The following ADGRL3 variants were observed in gnomAD, a reference collection of about 807,000 sequenced individuals.
ADGRL3 encodes adhesion G protein-coupled receptor L3.
In ADGRL3, 62 loss-of-function variants were observed where a neutral mutation model predicts 153.5. That is an observed-to-expected ratio of 0.40 (90% CI 0.33 to 0.50). The LOEUF is 0.50. Among genes scored for constraint, ADGRL3 ranks in the 20% least tolerant of loss-of-function variants. ADGRL3 has a pLI of 0.47. For synonymous variants in ADGRL3, 710 were observed against 672.5 expected (o/e 1.06, Z -0.86); for missense variants, 1,641 against 1,859.4 (o/e 0.88, Z 2.16).
chr4:61,534,135 T>C (rs1385465086), intron 4 of ADGRL3, among the ~76,000 whole-genome samples: 1 of 152,098 alleles, frequency 6.6e-6, no homozygotes, highest in Non-Finnish European at 1.5e-5. Flanking sequence ...GGTTGAGAGA[T>C]AGGGGCCCAG....
At chr4:61,562,449 T>G (rs1168540519) in intron 4 of ADGRL3, among the ~76,000 whole-genome samples, 1 of 152,222 alleles carries the variant, frequency 6.6e-6, no homozygotes, top group Non-Finnish European at 1.5e-5. Flanking sequence ...AAGAACTTCT[T>G]TCAAAATTGA....
intron 17 of ADGRL3, among the ~76,000 whole-genome samples, chr4:61,974,243 A>G (rs1010422971): frequency 2.0e-5 from 3 of 152,204 alleles, no homozygotes; most frequent in African/African-American, 4.8e-5. Context: ...CGCTGGGATT[A>G]TAGGAATGAG....
At position 61,802,247 on chromosome 4, in the gene ADGRL3, C is replaced by G. The variant is rs191191606; in HGVS notation, c.1400-11562C>G. ...AGACACATATGCACTTTTGCACACA[C>G]AATATCAGTGAAGTTGCTTTTGTTT... On this transcript the variant is annotated intron_variant, in intron 8 of 26. Transcript: ENST00000683033. Among the ~76,000 whole-genome samples the G allele has an allele frequency of 6.0e-4, 91 of 152,204 alleles. 2 individuals carry two copies. In the Middle Eastern group the frequency reaches 0.014, roughly 23 times the overall value.
At chr4:61,526,516 G>T (rs1030612220) in intron 4 of ADGRL3, among the ~76,000 whole-genome samples, 2 of 151,964 alleles carry the variant, frequency 1.3e-5, no homozygotes, top group African/African-American at 4.8e-5. Context: ...GATGGTTCAT[G>T]CCTATAATCT....
chr4:61,557,654 T>C (rs1302059242), intron 4 of ADGRL3, among the ~76,000 whole-genome samples: 1 of 152,142 alleles, frequency 6.6e-6, no homozygotes, highest in Non-Finnish European at 1.5e-5. Context: ...GCTAAAGTGC[T>C]TTAGGTCTCC....
At chr4:61,857,660 CTTCTTTCTTCCT>C (rs1300587066) in intron 9 of ADGRL3, among the ~76,000 whole-genome samples, 11 of 138,534 alleles carry the variant, frequency 7.9e-5, no homozygotes, top group Non-Finnish European at 1.2e-4. Context: ...TCCTTCCTTC[CTTCTTTCTTCCT>C]TTCTTTCTTC....
At chr4:61,821,253 G>A (rs1230921775) in intron 9 of ADGRL3, among the ~76,000 whole-genome samples, 1 of 149,498 alleles carries the variant, frequency 6.7e-6, no homozygotes, top group Non-Finnish European at 1.5e-5. Flanking sequence ...TACTAATGAT[G>A]CTATTTTGAA....
intron 5 of ADGRL3, among the ~76,000 whole-genome samples, chr4:61,645,476 G>T (rs957351879): frequency 6.6e-6 from 1 of 151,252 alleles, no homozygotes; most frequent in Admixed American, 6.6e-5. Context: ...TTTAGGGCAG[G>T]CCTGGTGGTG....
At chr4:61,833,849 A>G (rs542199989) in intron 9 of ADGRL3, among the ~76,000 whole-genome samples, 7 of 152,282 alleles carry the variant, frequency 4.6e-5, no homozygotes, top group African/African-American at 1.7e-4. Flanking sequence ...AAGTTAGTTC[A>G]GCCTATGCCC....
chr4:62,031,956 TACACAC>T lies in ADGRL3; in HGVS notation c.3591+378_3591+383del, dbSNP rs146856591. Among the ~76,000 whole-genome samples the T allele has an allele frequency of 7.1e-3, 978 of 137,800 alleles. 6 individuals are homozygous for T. Among genetic ancestry groups the T allele is most frequent in the African/African-American group, 0.019 (754 of 38,898 alleles). 90.4% of individuals were successfully genotyped at this position (137,800 alleles called of 152,430 possible). On this transcript the variant is annotated intron_variant, in intron 23 of 26. Coordinates refer to ENST00000683033, the MANE Select transcript of ADGRL3 (RefSeq NM_001387552.1). ...GAAAATGTTGTGGAGGCATGAGTTA[TACACAC>T]ACACACACACACACACACACACACA...
intron 1 of ADGRL3, among the ~76,000 whole-genome samples, chr4:61,289,858 T>A (rs947394410): frequency 6.6e-6 from 1 of 152,094 alleles, no homozygotes; most frequent in Non-Finnish European, 1.5e-5. Context: ...GGGCCACTGG[T>A]TCCTCAGGTT....
At chr4:61,246,425 T>C (rs1757106693) in intron 1 of ADGRL3, among the ~76,000 whole-genome samples, 1 of 151,988 alleles carries the variant, frequency 6.6e-6, no homozygotes, top group East Asian at 1.9e-4. Flanking sequence ...TGCTGTATAT[T>C]AGGGTTTCTT....
At chr4:62,020,660 G>GA (rs2099233650) in intron 21 of ADGRL3, among the ~76,000 whole-genome samples, 1 of 151,774 alleles carries the variant, frequency 6.6e-6, no homozygotes, top group African/African-American at 2.4e-5. Flanking sequence ...AAAGTCATAA[G>GA]AAAAAAACAT....
intron 1 of ADGRL3, among the ~76,000 whole-genome samples, chr4:61,318,590 A>G (rs2150704721): frequency 6.6e-6 from 1 of 152,264 alleles, no homozygotes; most frequent in African/African-American, 2.4e-5. Flanking sequence ...CTGTCTGCTG[A>G]AGTCTTATCA....
In ADGRL3 at chr4:62,075,433, A is replaced by G. The variant is rs1008166532; in HGVS notation, c.*4525A>G. On this transcript the variant is annotated 3_prime_UTR_variant, in exon 27 of 27. Coordinates refer to ENST00000683033, the MANE Select transcript of ADGRL3 (RefSeq NM_001387552.1). ...TCAGATTTAGAGAGTGTAAAAAACA[A>G]AAACCCAAAGTCCAACTATTTAGTT... 2 of 152,176 alleles carry G rather than the reference A, an allele frequency of 1.3e-5. No homozygotes were observed. Among genetic ancestry groups the G allele is most frequent in the Non-Finnish European group, 2.9e-5 (2 of 68,034 alleles). 9.4% of individuals were successfully genotyped at this position (152,176 alleles called of 1,614,324 possible).
intron 4 of ADGRL3, among the ~76,000 whole-genome samples, chr4:61,580,591 T>G (rs1220761180): frequency 6.6e-6 from 1 of 152,084 alleles, no homozygotes; most frequent in East Asian, 1.9e-4. Flanking sequence ...TTCTGTAGGT[T>G]AGGAGTCCAG....
intron 2 of ADGRL3, among the ~76,000 whole-genome samples, chr4:61,460,673 G>A (rs945856620): frequency 6.6e-6 from 1 of 152,120 alleles, no homozygotes; most frequent in African/African-American, 2.4e-5. Flanking sequence ...CACATGGCTG[G>A]GGAGGCCTCA....
intron 2 of ADGRL3, among the ~76,000 whole-genome samples, chr4:61,470,060 T>G (rs2097927456): frequency 6.6e-6 from 1 of 152,014 alleles, no homozygotes; most frequent in Non-Finnish European, 1.5e-5. Flanking sequence ...ATTCAGCATA[T>G]CCCTTGTAAC....
At chr4:61,685,914 T>C (rs1036255537) in intron 6 of ADGRL3, among the ~76,000 whole-genome samples, 1 of 152,034 alleles carries the variant, frequency 6.6e-6, no homozygotes, top group African/African-American at 2.4e-5. Context: ...TATAAACATC[T>C]AGGTAAGATT....
Sources: allele counts gnomAD v4.1 joint callset (sites outside exome capture counted in the v4.1 genomes callset), GRCh38; gene constraint gnomAD v4.1.1; transcripts MANE v1.5; gene names NCBI Gene and HGNC (gene_info 2026-07-23, HGNC 2026-07-21).